Variants in NWD2 observed in about 807,000 individuals in gnomAD.
NWD2 encodes NACHT and WD repeat domain-containing protein 2.
NWD2 carries 37 observed loss-of-function variants against 132.7 expected under a neutral mutation model. That is an observed-to-expected ratio of 0.28 (90% CI 0.21 to 0.37). The LOEUF (loss-of-function observed/expected upper bound fraction) is 0.37. Among genes scored for constraint, NWD2 ranks in the 10% least tolerant of loss-of-function variants. The probability of loss-of-function intolerance (pLI) is 1.00; values close to 1 mark genes in which losing one functional copy is unlikely to be tolerated. For missense variants in NWD2, 1,592 were observed against 2,122.4 expected (o/e 0.75, Z 4.91); for synonymous variants, 705 against 803.0 (o/e 0.88, Z 2.06).
intron 3 of NWD2, among the ~76,000 whole-genome samples, chr4:37,364,181 T>A (rs1720040123): frequency 6.6e-6 from 1 of 152,102 alleles, no homozygotes; most frequent in African/African-American, 2.4e-5. Flanking sequence ...TCTGCTGTCT[T>A]GAGCAACTAG....
intron 3 of NWD2, among the ~76,000 whole-genome samples, chr4:37,357,105 A>G (rs1039664838): frequency 1.3e-5 from 2 of 151,948 alleles, no homozygotes; most frequent in African/African-American, 4.8e-5. Flanking sequence ...AGTAAGATAA[A>G]TAGGTCATTC....
intron 2 of NWD2, among the ~76,000 whole-genome samples, chr4:37,341,849 T>C (rs1396701639): frequency 6.6e-6 from 1 of 152,220 alleles, no homozygotes; most frequent in Non-Finnish European, 1.5e-5. Flanking sequence ...AAATCTTAGC[T>C]ATGGTAATCA....
At chr4:37,427,609 A>G (rs1712041497) in intron 3 of NWD2, among the ~76,000 whole-genome samples, 1 of 152,206 alleles carries the variant, frequency 6.6e-6, no homozygotes, top group Non-Finnish European at 1.5e-5. Flanking sequence ...CCATGCTGAA[A>G]TAATAGATAC....
At chr4:37,362,668 A>G (rs4832898) in intron 3 of NWD2, among the ~76,000 whole-genome samples, 43,575 of 152,126 alleles carry the variant, frequency 0.29, 7,509 homozygotes, top group Middle Eastern at 0.45. Flanking sequence ...AAAAATTAAG[A>G]TGGATTAAAG....
intron 3 of NWD2, among the ~76,000 whole-genome samples, chr4:37,418,166 G>A (rs1451323477): frequency 6.6e-6 from 1 of 152,036 alleles, no homozygotes; most frequent in Non-Finnish European, 1.5e-5. Flanking sequence ...GGATGGAAGG[G>A]TGGTAAGTCA....
intron 2 of NWD2, among the ~76,000 whole-genome samples, chr4:37,342,013 C>T (rs578045259): frequency 1.8e-4 from 28 of 152,220 alleles, no homozygotes; most frequent in Admixed American, 1.7e-3. Flanking sequence ...TTGCCAAAAT[C>T]CCAGTGACAG....
rs751798672 is a variant in NWD2 at position 37,443,528 on chromosome 4, G to A, written c.1540G>A (p.Asp514Asn). Residue 514 changes from aspartate to asparagine, a missense_variant, in exon 7 of 7, where the codon GAT (aspartate) becomes AAT (asparagine). Physicochemically the swap from Asp to Asn is conservative, Grantham distance 23 (BLOSUM62 1). Around this residue, in one of 7 missense-constraint regions of NWD2, gnomAD observed 1,071 missense variants for 1,398.0 expected, o/e 0.77. Coordinates refer to ENST00000309447, the MANE Select transcript of NWD2 (RefSeq NM_001144990.2). The surrounding 1 kb of genome is among the most constrained non-coding windows in gnomAD (Gnocchi z 4.1). ...SLQRPLVIIFDALEQLSENDD... is the reference protein window; with the variant it reads ...SLQRPLVIIFNALEQLSENDD... ...GCAGAGACCTCTAGTCATAATATTC[G>A]ATGCACTAGAGCAGCTCTCAGAGAA... The A allele has an allele frequency of 5.2e-6, 8 of 1,551,722 alleles. No homozygotes were observed. Among genetic ancestry groups the A allele is most frequent in the South Asian group, 1.2e-5 (1 of 84,036 alleles).
At chr4:37,343,746 A>G (rs1288894307) in intron 2 of NWD2, among the ~76,000 whole-genome samples, 1 of 152,206 alleles carries the variant, frequency 6.6e-6, no homozygotes, top group African/African-American at 2.4e-5. Flanking sequence ...TGAAGAAATG[A>G]TAGTGTGAGG....
chr4:37,263,091 T>C (rs138001435), intron 1 of NWD2, among the ~76,000 whole-genome samples: 211 of 152,280 alleles, frequency 1.4e-3, no homozygotes, highest in Non-Finnish European at 2.3e-3. Context: ...TGTGGCATTT[T>C]GCAGCCGCTG....
chr4:37,267,876 A>G (rs568902217), intron 1 of NWD2, among the ~76,000 whole-genome samples: 2 of 152,070 alleles, frequency 1.3e-5, no homozygotes, highest in African/African-American at 4.8e-5. Flanking sequence ...ATATACGATT[A>G]TAACTCTGAA....
chr4:37,398,062 A>G (rs1390754552), intron 3 of NWD2, among the ~76,000 whole-genome samples: 1 of 152,216 alleles, frequency 6.6e-6, no homozygotes, highest in Non-Finnish European at 1.5e-5. Flanking sequence ...TTGAATTAAA[A>G]TAGATAACAT....
intron 6 of NWD2, among the ~76,000 whole-genome samples, chr4:37,441,925 G>T (rs1712495857): frequency 6.6e-6 from 1 of 152,142 alleles, no homozygotes; most frequent in Admixed American, 6.5e-5. Context: ...CACATGTTCA[G>T]CAACATGTGA....
intron 1 of NWD2, among the ~76,000 whole-genome samples, chr4:37,284,260 C>G (rs1300628363): frequency 6.6e-6 from 1 of 152,174 alleles, no homozygotes; most frequent in East Asian, 1.9e-4. Context: ...CAACAGAACT[C>G]TCTCTTTTGT....
intron 2 of NWD2, among the ~76,000 whole-genome samples, chr4:37,348,322 G>GC (rs908695277): frequency 6.6e-6 from 1 of 152,060 alleles, no homozygotes; most frequent in African/African-American, 2.4e-5. Context: ...CAGCCATTTA[G>GC]TTTTCCCACA....
intron 1 of NWD2, among the ~76,000 whole-genome samples, chr4:37,319,065 A>G (rs80217446): frequency 6.6e-6 from 1 of 152,232 alleles, no homozygotes; most frequent in Non-Finnish European, 1.5e-5. Flanking sequence ...ACTGCTTTCC[A>G]CAGTGAATAA....
intron 1 of NWD2, among the ~76,000 whole-genome samples, chr4:37,306,894 C>A (rs1389235708): frequency 6.6e-6 from 1 of 152,014 alleles, no homozygotes; most frequent in Admixed American, 6.6e-5. Context: ...CGTGGTGGCA[C>A]ACGCCTGTAT....
At chr4:37,325,459 A>G (rs1719150275) in intron 1 of NWD2, among the ~76,000 whole-genome samples, 1 of 152,156 alleles carries the variant, frequency 6.6e-6, no homozygotes, top group African/African-American at 2.4e-5. Flanking sequence ...AAAATGTCAC[A>G]ATATATCTGA....
chr4:37,404,969 C>T (rs1577692611), intron 3 of NWD2, among the ~76,000 whole-genome samples: 1 of 152,206 alleles, frequency 6.6e-6, no homozygotes, highest in Non-Finnish European at 1.5e-5. Flanking sequence ...CCCACCAGGC[C>T]CCATCACCAA....
At chr4:37,396,781 C>T (rs1382364345) in intron 3 of NWD2, among the ~76,000 whole-genome samples, 1 of 152,052 alleles carries the variant, frequency 6.6e-6, no homozygotes, top group East Asian at 1.9e-4. Flanking sequence ...CCCTGTAATC[C>T]CAGCACTTTG....
Sources: gnomAD v4.1 joint callset for allele counts (sites outside exome capture counted in the v4.1 genomes callset) on GRCh38, gnomAD v4.1.1 for gene constraint, gnomAD v4.1.1 regional missense constraint, Gnocchi (gnomAD v3.1) non-coding constraint, MANE v1.5 for transcripts, NCBI Gene and HGNC (gene_info 2026-07-23, HGNC 2026-07-21) for gene names.